Variants in TTC19 observed in about 807,000 individuals in gnomAD.
The protein encoded by TTC19 is tetratricopeptide repeat domain 19, also known as tetratricopeptide repeat protein 19, mitochondrial.
In TTC19, 38 loss-of-function variants were observed where a neutral mutation model predicts 49.5. That is an observed-to-expected ratio of 0.77 (90% CI 0.59 to 1.01). The LOEUF is 1.01. TTC19 is among the 50% of genes least tolerant of loss of function. The pLI is 0.00. For missense variants in TTC19, 475 were observed against 477.7 expected, an observed-to-expected ratio of 0.99 and a Z score of 0.05; for synonymous variants, 204 against 185.2, an observed-to-expected ratio of 1.10 and a Z score of -0.83.
chr17:16,038,683 C>T (rs2056940307), intron 2 of TTC19, among the ~76,000 whole-genome samples: 1 of 152,078 alleles, frequency 6.6e-6, no homozygotes, highest in African/African-American at 2.4e-5. Context: ...AGTGATCCAC[C>T]CAACTTACCC....
At chr17:16,022,087 G>GGGCTGT (rs1971402916) in intron 7 of TTC19, among the ~76,000 whole-genome samples, 1 of 149,572 alleles carries the variant, frequency 6.7e-6, no homozygotes, top group African/African-American at 2.5e-5. Flanking sequence ...GCTTTTCCTG[G>GGGCTGT]GGTTGTGGTC....
At chr17:16,022,098 C>T (rs983340269) in intron 7 of TTC19, among the ~76,000 whole-genome samples, 6 of 120,026 alleles carry the variant, frequency 5.0e-5, no homozygotes, top group Non-Finnish European at 9.2e-5. Flanking sequence ...GGTTGTGGTC[C>T]TAATGGTAAT....
intron 7 of TTC19, among the ~76,000 whole-genome samples, chr17:16,019,296 G>T (rs1971301340): frequency 6.6e-6 from 1 of 152,172 alleles, no homozygotes; most frequent in African/African-American, 2.4e-5. Flanking sequence ...TCGTGCCACT[G>T]CACTCCAGCC....
intron 7 of TTC19, among the ~76,000 whole-genome samples, chr17:16,014,437 TTA>T (rs1491239984): frequency 2.0e-5 from 3 of 152,238 alleles, no homozygotes; most frequent in Non-Finnish European, 1.5e-5. Flanking sequence ...TAGCTCCTGC[TTA>T]TAGTTTTCTT....
At chr17:16,004,083 C>A in intron 5 of TTC19, 118 bp from the exon 6 acceptor site, 1 of 1,173,062 alleles carries the variant, frequency 8.5e-7, no homozygotes, top group Non-Finnish European at 1.3e-6. Context: ...GTTGGCTCAT[C>A]ACTCTAAAAG....
chr17:16,040,510 CA>C, intron 2 of TTC19: 1 of 1,610,992 alleles, frequency 6.2e-7, no homozygotes, highest in Non-Finnish European at 8.5e-7. Flanking sequence ...TTTAAGCAAA[CA>C]TTCAAGTTAA....
rs1004770653 is a variant in TTC19 at position 16,028,544 on chromosome 17, T to A, written c.*1022T>A. 2.2e-6 allele frequency: 1 copy of A among 454,040 alleles called. No homozygotes were observed. The highest frequency in any genetic ancestry group is 1.6e-5 in the South Asian group (1 of 64,470). 28.1% of individuals were successfully genotyped at this position (454,040 alleles called of 1,614,324 possible). ...AATAGACTGCTGTGCTGAAAGAGCT[T>A]TATCACACTGTCTCAAAGTATGTAA... On this transcript the variant is annotated 3_prime_UTR_variant, in exon 10 of 10. Coordinates refer to ENST00000261647, the MANE Select transcript of TTC19 (RefSeq NM_017775.4).
chr17:16,035,086 A>C, intron 2 of TTC19: 1 of 771,010 alleles, frequency 1.3e-6, no homozygotes, highest in Non-Finnish European at 2.1e-6. Flanking sequence ...ATGAAATAAA[A>C]TACTACAGGC....
At chr17:16,038,777 ATG>A (rs1219713898) in intron 2 of TTC19, among the ~76,000 whole-genome samples, 1 of 149,932 alleles carries the variant, frequency 6.7e-6, no homozygotes, top group East Asian at 2.0e-4. Context: ...GTGTCTGTGT[ATG>A]TATGTATTTT....
At position 16,008,666 on chromosome 17, in the gene TTC19, C is replaced by T. The variant is rs76760797; in HGVS notation, c.676+2098C>T. Among the ~76,000 whole-genome samples the T allele has an allele frequency of 6.1e-3, 926 of 152,266 alleles. 16 individuals carry two copies. The highest frequency in any genetic ancestry group is 0.021 in the African/African-American group (859 of 41,556). On this transcript the variant is annotated intron_variant, in intron 7 of 9. Coordinates refer to ENST00000261647, the MANE Select transcript of TTC19 (RefSeq NM_017775.4). ...CTGCTCTCCCCTTGCTCGTTCCAGT[C>T]TCACCACACTGGTCTTATTCTGGCA...
chr17:16,010,198 G>T (rs1971026937), intron 7 of TTC19, among the ~76,000 whole-genome samples: 1 of 111,860 alleles, frequency 8.9e-6, no homozygotes, highest in Non-Finnish European at 1.7e-5. Context: ...TTTTGAGACA[G>T]AGTCTCACTC....
intron 2 of TTC19, among the ~76,000 whole-genome samples, chr17:16,037,711 C>G (rs1395889738): frequency 1.3e-5 from 2 of 152,210 alleles, no homozygotes; most frequent in Non-Finnish European, 2.9e-5. Flanking sequence ...CAGAACAAAG[C>G]TTCTTCATGC....
At chr17:16,017,060 T>TA (rs1439843627) in intron 7 of TTC19, among the ~76,000 whole-genome samples, 1 of 152,228 alleles carries the variant, frequency 6.6e-6, no homozygotes, top group Non-Finnish European at 1.5e-5. Flanking sequence ...GTCTCATAGA[T>TA]ATATTTATTT....
downstream of TTC19, chr17:16,032,125 T>C (rs1213523924): frequency 4.6e-6 from 3 of 658,838 alleles, no homozygotes; most frequent in Admixed American, 3.9e-5. Flanking sequence ...TTTTTCCCAT[T>C]TGACTCTCCA....
downstream of TTC19, among the ~76,000 whole-genome samples, chr17:16,032,725 G>T (rs540089284): frequency 1.3e-5 from 2 of 152,354 alleles, no homozygotes; most frequent in South Asian, 4.1e-4. Flanking sequence ...AGTGAGGGCT[G>T]CTGAGCCCAG....
chr17:16,021,564 G>T (rs570651678), intron 7 of TTC19, among the ~76,000 whole-genome samples: 1 of 152,320 alleles, frequency 6.6e-6, no homozygotes, highest in South Asian at 2.1e-4. Flanking sequence ...CTTATAGAGG[G>T]GGTAGGGAAG....
At chr17:16,014,840 C>A (rs1280804393) in intron 7 of TTC19, among the ~76,000 whole-genome samples, 1 of 152,162 alleles carries the variant, frequency 6.6e-6, no homozygotes, top group East Asian at 1.9e-4. Flanking sequence ...AGTTCATTGG[C>A]TGTACCTTCA....
chr17:16,027,208 G>C, intron 9 of TTC19, 166 bp from the exon 10 acceptor site: 1 of 773,492 alleles, frequency 1.3e-6, no homozygotes, highest in Non-Finnish European at 2.1e-6. Context: ...ACAGCATTCA[G>C]TGGAGTTCCA....
chr17:16,027,695 G>T lies in TTC19; in HGVS notation c.*173G>T. The stretch of plus-strand genomic sequence containing the variant: ...CACACTGCCATTTTTGTATTTTAAA[G>T]GAAAAATGACTTTCATTCCCAACTG... On this transcript the variant is annotated 3_prime_UTR_variant, in exon 10 of 10. Transcript: ENST00000261647. 1 of 764,232 alleles carries T rather than the reference G, an allele frequency of 1.3e-6. No individual in the cohort carries two copies. The highest frequency in any genetic ancestry group is 2.2e-6 in the Non-Finnish European group (1 of 448,216). The allele number at this position is 764,232 out of a possible 1,614,324, so 47.3% of individuals were successfully genotyped here. A position where few individuals can be genotyped will look rare whatever the true frequency, so the allele number is the denominator to read the frequency against.
Sources: gnomAD v4.1 joint callset for allele counts (sites outside exome capture counted in the v4.1 genomes callset) on GRCh38, gnomAD v4.1.1 for gene constraint, MANE v1.5 for transcripts, NCBI Gene and HGNC (gene_info 2026-07-23, HGNC 2026-07-21) for gene names.